Variants in STK11 observed in about 807,000 individuals in gnomAD.
STK11 encodes the protein serine/threonine-protein kinase STK11.
In STK11, 8 loss-of-function variants were observed where a neutral mutation model predicts 47.3. The ratio of observed to expected loss-of-function variants is 0.17; its 90% CI spans 0.10 to 0.31. STK11 has a LOEUF of 0.31. STK11 is among the 10% of genes least tolerant of loss of function. The pLI is 1.00. For missense variants in STK11, 475 were observed against 605.0 expected (o/e 0.79, Z 2.25); for synonymous variants, 330 against 255.8 (o/e 1.29, Z -2.77).
Position 1,206,861 on chromosome 19 carries a change from G to A in STK11, c.-53G>A, listed in dbSNP as rs2080669110. ...GGAAGTCGGAACACAAGGAAGGACC[G>A]CTCACCCGCGGACTCAGGGCTGGCG... On this transcript the variant is annotated 5_prime_UTR_variant, in exon 1 of 10. Transcript: ENST00000326873. The A allele has an allele frequency of 2.6e-6, 4 of 1,523,412 alleles. No homozygotes were observed. The highest frequency in any genetic ancestry group is 2.5e-5 in the East Asian group (1 of 40,602). 94.4% of individuals were successfully genotyped at this position (1,523,412 alleles called of 1,614,324 possible).
rs2145430809 is a variant in STK11, at chr19:1,223,032, C to A, written c.968C>A (p.Pro323Gln). 6.3e-7 allele frequency: 1 copy of A among 1,592,848 alleles called. No individual in the cohort carries two copies. Among genetic ancestry groups the A allele is most frequent in the East Asian group, 2.3e-5 (1 of 43,762 alleles). Residue 323 changes from proline (P) to glutamine (Q), a missense_variant, in exon 8 of 10, where the codon CCA (proline) becomes CAA (glutamine). By Grantham distance (76) the Pro-to-Gln change is moderately conservative. Transcript: ENST00000326873. Reference protein sequence around the residue: ...HPPAEAPVPIPPSPDTKDRWR... With the variant: ...HPPAEAPVPIQPSPDTKDRWR... ...CCGGCTGAAGCACCAGTGCCCATCC[C>A]ACCGAGCCCAGACACCAAGGACCGG... is the stretch of plus-strand genomic sequence containing the variant.
At chr19:1,225,171 G>A in intron 8 of STK11, 1 of 985,518 alleles carries the variant, frequency 1.0e-6, no homozygotes, top group Non-Finnish European at 1.2e-6. Context: ...CGCTGATGCA[G>A]AGCTGGGGCA....
chr19:1,212,965 C>A (rs1324723406), intron 1 of STK11, among the ~76,000 whole-genome samples: 1 of 150,270 alleles, frequency 6.7e-6, no homozygotes, highest in Admixed American at 6.7e-5. Context: ...CAGGTGTAAG[C>A]CATAGTACTG....
At chr19:1,213,488 T>C (rs991184634) in intron 1 of STK11, among the ~76,000 whole-genome samples, 3 of 152,242 alleles carry the variant, frequency 2.0e-5, no homozygotes, top group Non-Finnish European at 2.9e-5. Flanking sequence ...TGGATTGGCC[T>C]GTCCTGAACA....
Position 1,206,232 on chromosome 19 carries a change from C to A in STK11, c.-682C>A. On this transcript the variant is annotated 5_prime_UTR_variant, in exon 1 of 10. Transcript: ENST00000326873. The stretch of plus-strand genomic sequence containing the variant: ...CTCGCGGGCGCCGGGCAGCGACCAG[C>A]CCTGAGCGGAGCTGTTGGCCGCGGC... 1 of 191,774 alleles carries A rather than the reference C, an allele frequency of 5.2e-6. No homozygotes were observed. The allele number at this position is 191,774 out of a possible 1,614,324, so 11.9% of individuals were successfully genotyped here.
chr19:1,222,868 G>A, intron 7 of STK11, 117 bp from the exon 8 acceptor site: 1 of 1,240,574 alleles, frequency 8.1e-7, no homozygotes. Context: ...CCCTTGCACG[G>A]CCTGGTCCCA....
intron 8 of STK11, chr19:1,225,226 G>A (rs1002990325): frequency 3.0e-6 from 3 of 985,446 alleles, no homozygotes; most frequent in Middle Eastern, 5.2e-4. Context: ...CTGGGCCCAA[G>A]CTCAGACCTA....
chr19:1,223,859 AAG>A, intron 8 of STK11: 2 of 1,021,834 alleles, frequency 2.0e-6, no homozygotes, highest in Non-Finnish European at 2.3e-6. Context: ...CCGTGTCATA[AAG>A]AGTTTTGCAG....
At chr19:1,213,950 C>A (rs2080728597) in intron 1 of STK11, among the ~76,000 whole-genome samples, 1 of 152,250 alleles carries the variant, frequency 6.6e-6, no homozygotes, top group African/African-American at 2.4e-5. Context: ...CCTAGCCCCA[C>A]CTCTCTGTGA....
intron 7 of STK11, among the ~76,000 whole-genome samples, chr19:1,222,745 G>C (rs887422516): frequency 1.6e-4 from 25 of 152,228 alleles, no homozygotes; most frequent in African/African-American, 5.5e-4. Flanking sequence ...GCTGGCTTCT[G>C]AGTGCCACCT....
chr19:1,209,256 G>A (rs2080692613), intron 1 of STK11, among the ~76,000 whole-genome samples: 1 of 152,002 alleles, frequency 6.6e-6, no homozygotes, highest in African/African-American at 2.4e-5. Flanking sequence ...CTCTAAAGGG[G>A]CCAGTGACAG....
chr19:1,206,245 T>C lies in STK11; in HGVS notation c.-669T>C. The stretch of plus-strand genomic sequence containing the variant: ...GGCAGCGACCAGCCCTGAGCGGAGC[T>C]GTTGGCCGCGGCGGGAGGCCTCCCG... On this transcript the variant is annotated 5_prime_UTR_variant, in exon 1 of 10. Coordinates refer to ENST00000326873, the MANE Select transcript of STK11 (RefSeq NM_000455.5). 1 of 198,746 alleles carries C rather than the reference T, an allele frequency of 5.0e-6. No individual in the cohort carries two copies. Among genetic ancestry groups the C allele is most frequent in the East Asian group, 7.6e-5 (1 of 13,104 alleles). The allele number at this position is 198,746 out of a possible 1,614,324, so 12.3% of individuals were successfully genotyped here. A position where few individuals can be genotyped will look rare whatever the true frequency, so the allele number is the denominator to read the frequency against.
intron 7 of STK11, among the ~76,000 whole-genome samples, chr19:1,222,221 C>T (rs2080789780): frequency 6.6e-6 from 1 of 152,222 alleles, no homozygotes; most frequent in Non-Finnish European, 1.5e-5. Flanking sequence ...GAACTGGGGT[C>T]TGAGTGAGGA....
chr19:1,209,501 G>A (rs2080694197), intron 1 of STK11, among the ~76,000 whole-genome samples: 1 of 152,076 alleles, frequency 6.6e-6, no homozygotes, highest in Non-Finnish European at 1.5e-5. Context: ...AACATTGCTG[G>A]AGCCTGGGAG....
At chr19:1,217,569 A>ACCT (rs1432704366) in intron 1 of STK11, among the ~76,000 whole-genome samples, 1 of 152,174 alleles carries the variant, frequency 6.6e-6, no homozygotes, top group Non-Finnish European at 1.5e-5. Context: ...GGCGTGGCCA[A>ACCT]CTGGGCGGCA....
rs1568712477 is a variant in STK11, at chr19:1,223,143, T to C, written c.1079T>C (p.Ile360Thr). The change falls in exon 8 of 10, where the codon ATC becomes ACC. Residue 360 changes from isoleucine (I) to threonine (T), a missense_variant. Around this residue, in one of 5 missense-constraint regions of STK11, gnomAD observed 219 missense variants for 189.2 expected, o/e 1.16. Coordinates refer to ENST00000326873, the MANE Select transcript of STK11 (RefSeq NM_000455.5). The stretch of plus-strand genomic sequence containing the variant: ...GACCTCTTCGACATCGAGGATGACA[T>C]CATCTACACTCAGGACTTCACGGTG... ...DEDLFDIEDDIIYTQDFTVPG... is the reference protein window; with the variant it reads ...DEDLFDIEDDTIYTQDFTVPG... 6.2e-7 allele frequency: 1 copy of C among 1,611,458 alleles called. No homozygotes were observed. Among genetic ancestry groups the C allele is most frequent in the Non-Finnish European group, 8.5e-7 (1 of 1,179,418 alleles).
intron 8 of STK11, 122 bp downstream of exon 8, chr19:1,223,294 C>T (rs1223802844): frequency 3.3e-6 from 4 of 1,212,342 alleles, no homozygotes; most frequent in East Asian, 5.1e-5. Context: ...ATCCCACGTC[C>T]CCAAAGCCTC....
In STK11 at chr19:1,218,436, A is replaced by G. The variant is rs587782783; in HGVS notation, c.310A>G (p.Arg104Gly). The change falls in exon 2 of 10, where the codon AGG becomes GGG. Residue 104 changes from arginine (R) to glycine (G), a missense_variant. By Grantham distance (125) the Arg-to-Gly change is moderately radical. This residue lies in a region of STK11 where 46 missense variants were observed against 45.5 expected (regional missense o/e 1.01). Coordinates refer to ENST00000326873, the MANE Select transcript of STK11 (RefSeq NM_000455.5). ...NVKKEIQLLR[R>G]LRHKNVIQLV... ...TCCCAGGGAAATTCAACTACTGAGGAGGTTACGGCACAAAAATGTCATCCA... is the reference window on the plus strand; with the variant it reads ...TCCCAGGGAAATTCAACTACTGAGGGGGTTACGGCACAAAAATGTCATCCA... 6 of 1,613,624 alleles carry G rather than the reference A, an allele frequency of 3.7e-6. No homozygotes were observed. The highest frequency in any genetic ancestry group is 5.1e-6 in the Non-Finnish European group (6 of 1,179,788).
rs898438996 is a variant in STK11 at position 1,228,122 on chromosome 19, G to A, written c.*546G>A. 1 of 1,065,444 alleles carries A rather than the reference G, an allele frequency of 9.4e-7. No individual in the cohort carries two copies. The highest frequency in any genetic ancestry group is 1.6e-5 in the African/African-American group (1 of 61,166). The allele number at this position is 1,065,444 out of a possible 1,614,324, so 66.0% of individuals were successfully genotyped here. ...CTGTGGCTGTGAGGGGTGTTTGGGA[G>A]CTGCTGGGTGGCAGGGGGGCTGTGG... On this transcript the variant is annotated 3_prime_UTR_variant, in exon 10 of 10. Transcript: ENST00000326873.
Sources: gnomAD v4.1 joint callset for allele counts (sites outside exome capture counted in the v4.1 genomes callset) on GRCh38, gnomAD v4.1.1 for gene constraint, gnomAD v4.1.1 regional missense constraint, MANE v1.5 for transcripts, NCBI Gene and HGNC (gene_info 2026-07-23, HGNC 2026-07-21) for gene names.